Variants in THNSL1 observed in about 807,000 individuals in gnomAD.
THNSL1 encodes the protein threonine synthase like 1, also known as threonine synthase-like 1.
A neutral mutation model predicts 50.4 loss-of-function variants in THNSL1; 48 were observed. The observed-to-expected ratio is 0.95, with a 90% confidence interval of 0.76 to 1.21. The LOEUF (loss-of-function observed/expected upper bound fraction) is 1.21, where lower values mean the gene tolerates loss of function less well. THNSL1 is among the 50% of genes most tolerant of loss of function. The pLI, the probability that THNSL1 is intolerant of heterozygous loss-of-function variation, is 0.00. For missense variants in THNSL1, 896 were observed against 871.7 expected, an observed-to-expected ratio of 1.03 and a Z score of -0.35; for synonymous variants, 309 against 306.1, an observed-to-expected ratio of 1.01 and a Z score of -0.10.
chr10:25,008,656 T>C, the THNSL1 span, among the ~76,000 whole-genome samples: 1 of 152,330 alleles, frequency 6.6e-6, no homozygotes, highest in East Asian at 1.9e-4. Context: ...AAATACACTG[T>C]TGGTGGGACT....
At chr10:24,998,880 C>A in the THNSL1 span, among the ~76,000 whole-genome samples, 1 of 152,124 alleles carries the variant, frequency 6.6e-6, no homozygotes, top group Non-Finnish European at 1.5e-5. Context: ...GCTGGTTCTA[C>A]CACTTATTCA....
At chr10:24,952,752 A>C in the THNSL1 span, 4 of 615,718 alleles carry the variant, frequency 6.5e-6, no homozygotes, top group African/African-American at 7.8e-5. This position sits in a 1 kb window ranked among gnomAD's most constrained non-coding sequence, Gnocchi z 5.1. Flanking sequence ...ACGCGGATCC[A>C]TGGCCCCGGC....
At chr10:25,015,091 G>C (rs924224552), upstream of THNSL1, among the ~76,000 whole-genome samples, 1 of 152,194 alleles carries the variant, frequency 6.6e-6, no homozygotes, top group Non-Finnish European at 1.5e-5. Context: ...AGTCCTAGGA[G>C]AAATGAGATT....
Position 25,025,151 on chromosome 10 carries a change from C to G in THNSL1, c.1928C>G (p.Thr643Ser), listed in dbSNP as rs149191706. 14 of 1,614,106 alleles carry G rather than the reference C, an allele frequency of 8.7e-6. No individual in the cohort carries two copies. The highest frequency in any genetic ancestry group is 1.1e-5 in the Non-Finnish European group (13 of 1,180,054). Reference protein sequence around the residue: ...NTSGYILDPHTAVAKVVADRV... With the variant: ...NTSGYILDPHSAVAKVVADRV... ...TCAGGGTATATTTTGGATCCACACA[C>G]TGCTGTTGCAAAAGTGGTTGCAGAT... Residue 643 changes from threonine to serine, a missense_variant, in exon 3 of 3, where the codon ACT becomes AGT. Transcript: ENST00000376356.
chr10:25,014,483 T>C (rs575885996), upstream of THNSL1, among the ~76,000 whole-genome samples: 101 of 152,154 alleles, frequency 6.6e-4, no homozygotes, highest in African/African-American at 2.4e-3. Context: ...CATTAATGCT[T>C]GCCAAATGAA....
At chr10:24,976,733 A>C in the THNSL1 span, among the ~76,000 whole-genome samples, 1 of 152,036 alleles carries the variant, frequency 6.6e-6, no homozygotes, top group Non-Finnish European at 1.5e-5. Flanking sequence ...ACCTCAGATG[A>C]TCCACCTGCC....
chr10:24,984,632 T>C, the THNSL1 span: 1 of 1,119,350 alleles, frequency 8.9e-7, no homozygotes, highest in Admixed American at 3.0e-5. Context: ...CTATTTTTAT[T>C]CTCTTCATAG....
chr10:24,990,531 T>C, the THNSL1 span: 1 of 1,614,112 alleles, frequency 6.2e-7, no homozygotes, highest in Non-Finnish European at 8.5e-7. Context: ...TTTTCCTGGA[T>C]ATAACGATCA....
In THNSL1 at chr10:25,021,460, C is replaced by T. The variant is rs982083116; in HGVS notation, c.-215-282C>T. Among the ~76,000 whole-genome samples, 4 of 152,110 alleles carry T rather than the reference C, an allele frequency of 2.6e-5. No individual in the cohort carries two copies. In the East Asian group the frequency reaches 5.8e-4, roughly 22 times the overall value. On this transcript the variant is annotated intron_variant, in intron 1 of 2. Coordinates refer to ENST00000376356, the MANE Select transcript of THNSL1 (RefSeq NM_024838.5). ...CCAAATCATTAAAATTCCAGATATC[C>T]TTCTGAAAAGTTTTATATTTGTTAT...
At chr10:24,956,464 T>A in the THNSL1 span, among the ~76,000 whole-genome samples, 6,122 of 147,934 alleles carry the variant, frequency 0.041, 343 homozygotes, top group African/African-American at 0.11. Context: ...GCATTTTATT[T>A]ATTTTTTTTT....
chr10:24,984,899 T>G, the THNSL1 span: 3 of 1,611,626 alleles, frequency 1.9e-6, no homozygotes, highest in Non-Finnish European at 2.5e-6. Flanking sequence ...CAGTTCTTTT[T>G]CAGCCCCTGC....
chr10:25,000,592 C>T, the THNSL1 span, among the ~76,000 whole-genome samples: 1 of 152,098 alleles, frequency 6.6e-6, no homozygotes, highest in South Asian at 2.1e-4. Flanking sequence ...AAATTCTGTG[C>T]TCTAGAATCT....
At chr10:24,952,399 C>T in the THNSL1 span, 1,364 of 1,126,556 alleles carry the variant, frequency 1.2e-3, 10 homozygotes, top group African/African-American at 0.017. The surrounding 1 kb of genome is among the most constrained non-coding windows in gnomAD (Gnocchi z 5.1). Context: ...GAAGCGATCC[C>T]CGCCGGGAGG....
chr10:25,001,534 T>C, the THNSL1 span, among the ~76,000 whole-genome samples: 72 of 152,286 alleles, frequency 4.7e-4, no homozygotes, highest in Non-Finnish European at 8.5e-4. Context: ...TCAAGCCTCA[T>C]TGATTCTCTG....
At chr10:24,966,061 T>C in the THNSL1 span, among the ~76,000 whole-genome samples, 2 of 152,248 alleles carry the variant, frequency 1.3e-5, no homozygotes, top group Non-Finnish European at 2.9e-5. Context: ...TATTTGGATA[T>C]TGACTCAATA....
the THNSL1 span, among the ~76,000 whole-genome samples, chr10:24,966,014 A>G: frequency 2.5e-4 from 38 of 152,244 alleles, no homozygotes; most frequent in African/African-American, 9.2e-4. Flanking sequence ...TATAACTGGC[A>G]GAGAAAATAA....
chr10:25,015,427 C>T (rs923406180), upstream of THNSL1, among the ~76,000 whole-genome samples: 1 of 152,100 alleles, frequency 6.6e-6, no homozygotes, highest in Non-Finnish European at 1.5e-5. Context: ...GGGGAAAAGT[C>T]CTATCCTATC....
chr10:24,974,656 A>T, the THNSL1 span, among the ~76,000 whole-genome samples: 1 of 152,322 alleles, frequency 6.6e-6, no homozygotes, highest in Admixed American at 6.5e-5. Flanking sequence ...TATAATGGTC[A>T]GTTGTCATCA....
chr10:24,999,108 T>A, the THNSL1 span, among the ~76,000 whole-genome samples: 1 of 152,356 alleles, frequency 6.6e-6, no homozygotes, highest in East Asian at 1.9e-4. Flanking sequence ...TGACTTTTCC[T>A]ATAATTGTTG....
Sources: allele counts gnomAD v4.1 joint callset (sites outside exome capture counted in the v4.1 genomes callset), GRCh38; gene constraint gnomAD v4.1.1; non-coding constraint Gnocchi (gnomAD v3.1); transcripts MANE v1.5; gene names NCBI Gene and HGNC (gene_info 2026-07-23, HGNC 2026-07-21).